Variants in FREM3 observed in about 807,000 individuals in gnomAD.
FREM3 encodes the protein FRAS1 related extracellular matrix 3, also known as FRAS1-related extracellular matrix protein 3.
FREM3 carries 105 observed loss-of-function variants against 129.1 expected under a neutral mutation model. The observed-to-expected ratio is 0.81, with a 90% CI of 0.69 to 0.96. The LOEUF is 0.96. FREM3 is among the 40% of genes least tolerant of loss of function. The pLI is 0.00. For missense variants in FREM3, 2,593 were observed against 2,666.3 expected, an observed-to-expected ratio of 0.97 and a Z score of 0.61; for synonymous variants, 1,014 against 1,044.9, an observed-to-expected ratio of 0.97 and a Z score of 0.57.
chr4:143,695,533 T>G lies in FREM3; in HGVS notation c.5143A>C (p.Lys1715Gln). ...GTGCTCTGGTTTCCAAGGCCAGTTTTGATAATGAAGCCATGCTCTGGTCCT... is the reference window on the plus strand; with the variant it reads ...GTGCTCTGGTTTCCAAGGCCAGTTTGGATAATGAAGCCATGCTCTGGTCCT... ...TRGPEHGFII[K>Q]TGLGNQSTRV... The change falls in exon 1 of 8, where the codon AAA (lysine) becomes CAA (glutamine). Residue 1715 changes from lysine (K) to glutamine (Q), a missense_variant. Physicochemically the swap from Lys to Gln is moderately conservative, Grantham distance 53 (BLOSUM62 1). Transcript: ENST00000329798. 1 of 1,537,532 alleles carries G rather than the reference T, an allele frequency of 6.5e-7. No homozygotes were observed.
chr4:143,578,568 A>G (rs979459716), intron 7 of FREM3, among the ~76,000 whole-genome samples: 1 of 152,264 alleles, frequency 6.6e-6, no homozygotes, highest in Non-Finnish European at 1.5e-5. Context: ...GAACCCTGGC[A>G]GATACTACCT....
At chr4:143,582,208 C>T (rs1033710083) in intron 7 of FREM3, among the ~76,000 whole-genome samples, 3 of 152,132 alleles carry the variant, frequency 2.0e-5, no homozygotes, top group South Asian at 2.1e-4. Context: ...CTCAAGGCTG[C>T]GGTGTATAGC....
intron 2 of FREM3, among the ~76,000 whole-genome samples, chr4:143,654,216 C>T (rs1248232114): frequency 6.6e-6 from 1 of 152,204 alleles, no homozygotes; most frequent in Non-Finnish European, 1.5e-5. Context: ...GATTCTCCTG[C>T]CTCAGCCTAC....
intron 6 of FREM3, among the ~76,000 whole-genome samples, chr4:143,597,427 C>T (rs1738502339): frequency 1.3e-5 from 2 of 152,214 alleles, no homozygotes; most frequent in African/African-American, 2.4e-5. Flanking sequence ...CTTAGATAAA[C>T]ACAGTTTTTA....
In FREM3 at chr4:143,696,731, C is replaced by T. The variant is rs1175329200; in HGVS notation, c.3945G>A (p.Leu1315=). The part of the protein sequence containing the change: ...ETPHLTVNNG[L]KVEKGHSEII... Reference sequence around the variant, plus strand: ...TCTCAGAGTGTCCTTTCTCTACCTTCAGCCCATTGTTGACAGTCAGGTGAG... The same window carrying T: ...TCTCAGAGTGTCCTTTCTCTACCTTTAGCCCATTGTTGACAGTCAGGTGAG... The change falls in exon 1 of 8, where the codon CTG becomes CTA. Residue 1315 remains leucine, a synonymous_variant. Transcript: ENST00000329798. 9 of 1,537,752 alleles carry T rather than the reference C, an allele frequency of 5.9e-6. No homozygotes were observed. In the Admixed American group the frequency reaches 1.6e-4, roughly 27 times the overall value.
Position 143,631,173 on chromosome 4 carries a change from T to G in FREM3, c.5276-3413A>C, listed in dbSNP as rs1029873953. Among the ~76,000 whole-genome samples, 6 of 152,278 alleles carry G rather than the reference T, an allele frequency of 3.9e-5. No homozygotes were observed. In the Middle Eastern group the frequency reaches 0.014, roughly 345 times the overall value. On this transcript the variant is annotated intron_variant, in intron 2 of 7. Transcript: ENST00000329798. ...TCTTGTTATCTGCTAAAAAGGTTCTTTTATTCCAATTAAATGTGAATTTGT... is the reference window on the plus strand; with the variant it reads ...TCTTGTTATCTGCTAAAAAGGTTCTGTTATTCCAATTAAATGTGAATTTGT...
At chr4:143,601,059 A>G (rs1460548078) in intron 6 of FREM3, among the ~76,000 whole-genome samples, 1 of 150,936 alleles carries the variant, frequency 6.6e-6, no homozygotes, top group Admixed American at 6.6e-5. Flanking sequence ...TAAAATTGTG[A>G]TACTTTTAAA....
intron 6 of FREM3, among the ~76,000 whole-genome samples, chr4:143,602,867 G>A (rs1441626236): frequency 6.6e-6 from 1 of 152,192 alleles, no homozygotes; most frequent in Non-Finnish European, 1.5e-5. Context: ...TGGGTTGCCT[G>A]TTTCTAGCTA....
At chr4:143,670,866 C>T (rs1739952675) in intron 2 of FREM3, among the ~76,000 whole-genome samples, 1 of 151,808 alleles carries the variant, frequency 6.6e-6, no homozygotes, top group South Asian at 2.1e-4. Flanking sequence ...CATGGAATCA[C>T]ATGATTAAAA....
At chr4:143,582,469 A>G (rs1738163971) in intron 7 of FREM3, among the ~76,000 whole-genome samples, 1 of 152,198 alleles carries the variant, frequency 6.6e-6, no homozygotes, top group Admixed American at 6.5e-5. Context: ...GAAGACCCTG[A>G]ACAAAGCCTT....
intron 3 of FREM3, among the ~76,000 whole-genome samples, chr4:143,626,363 C>A (rs1739037111): frequency 1.3e-5 from 2 of 152,052 alleles, no homozygotes; most frequent in Non-Finnish European, 2.9e-5. Flanking sequence ...TGTGAAGAAC[C>A]ATACAGCAGT....
chr4:143,599,550 A>T (rs948606951), intron 6 of FREM3, among the ~76,000 whole-genome samples: 3 of 152,148 alleles, frequency 2.0e-5, no homozygotes, highest in Non-Finnish European at 4.4e-5. Flanking sequence ...TGAGGTGGAT[A>T]TTAGAGGATT....
At chr4:143,653,673 G>T (rs1739549608) in intron 2 of FREM3, among the ~76,000 whole-genome samples, 1 of 152,148 alleles carries the variant, frequency 6.6e-6, no homozygotes. Context: ...AGTGTACATG[G>T]GGCTTATCTT....
intron 2 of FREM3, among the ~76,000 whole-genome samples, chr4:143,632,990 T>C (rs911143975): frequency 2.6e-5 from 4 of 152,170 alleles, no homozygotes; most frequent in African/African-American, 9.7e-5. Flanking sequence ...GGGCATAAGC[T>C]TGTCACTTAG....
At chr4:143,600,604 G>A (rs1346040388) in intron 6 of FREM3, among the ~76,000 whole-genome samples, 1 of 152,158 alleles carries the variant, frequency 6.6e-6, no homozygotes, top group African/African-American at 2.4e-5. Context: ...AGCATAATGT[G>A]TCTAACAGTA....
chr4:143,587,763 G>GA (rs11440824), intron 6 of FREM3, among the ~76,000 whole-genome samples: 150,962 of 152,308 alleles, frequency 0.99, 74,827 homozygotes, highest in Middle Eastern at 1. Flanking sequence ...AGGTTCTTTG[G>GA]GATCTCTCAC....
Position 143,700,514 on chromosome 4 carries a change from G to A in FREM3, c.162C>T (p.Gly54=), listed in dbSNP as rs535509238. 7.6e-5 allele frequency: 115 copies of A among 1,517,750 alleles called. 1 individual carries two copies. The East Asian group carries it at 2.2e-3, about 29-fold the overall frequency. 94.0% of individuals were successfully genotyped at this position (1,517,750 alleles called of 1,614,324 possible). A position where few individuals can be genotyped will look rare whatever the true frequency, so the allele number is the denominator to read the frequency against. The change falls in exon 1 of 8, where the codon GGC becomes GGT. Residue 54 remains glycine, a synonymous_variant. Coordinates refer to ENST00000329798, the MANE Select transcript of FREM3 (RefSeq NM_001168235.2). The part of the protein sequence containing the change: ...LYLPARGALD[G]TRPDGPSVLI... ...GCACGCTGGGGCCGTCGGGGCGAGT[G>A]CCGTCAAGCGCACCCCGGGCGGGCA...
At chr4:143,684,989 A>G (rs1740333468) in intron 2 of FREM3, among the ~76,000 whole-genome samples, 1 of 152,156 alleles carries the variant, frequency 6.6e-6, no homozygotes, top group South Asian at 2.1e-4. Context: ...AAAGCCTCCA[A>G]GAAGTCTGGG....
chr4:143,651,153 G>A (rs1320371511), intron 2 of FREM3, among the ~76,000 whole-genome samples: 3 of 152,090 alleles, frequency 2.0e-5, no homozygotes, highest in Non-Finnish European at 2.9e-5. Flanking sequence ...AGAAACAATG[G>A]GATTCCTGAG....
Sources: gnomAD v4.1 joint callset for allele counts (sites outside exome capture counted in the v4.1 genomes callset) on GRCh38, gnomAD v4.1.1 for gene constraint, MANE v1.5 for transcripts, NCBI Gene and HGNC (gene_info 2026-07-23, HGNC 2026-07-21) for gene names.